THTPA: variants seen among roughly 807,000 people sequenced by gnomAD.
THTPA encodes the protein thiamine triphosphatase.
A neutral mutation model predicts 16.5 loss-of-function variants in THTPA; 16 were observed. The ratio of observed to expected loss-of-function variants is 0.97; its 90% CI spans 0.66 to 1.47. THTPA has a LOEUF of 1.47. THTPA is among the 40% of genes most tolerant of loss of function. The pLI, the probability that THTPA is intolerant of heterozygous loss-of-function variation, is 0.00. For missense variants in THTPA, 281 were observed against 280.9 expected, an observed-to-expected ratio of 1.00 and a Z score of 0.00; for synonymous variants, 110 against 115.5, an observed-to-expected ratio of 0.95 and a Z score of 0.30.
At chr14:23,535,454 C>T in the THTPA span, 2 of 1,199,292 alleles carry the variant, frequency 1.7e-6, no homozygotes, top group Non-Finnish European at 2.2e-6. This position sits in a 1 kb window ranked among gnomAD's most constrained non-coding sequence, Gnocchi z 4.5. Flanking sequence ...GATACTCCTG[C>T]CCCATCCTCT....
At chr14:23,543,583 A>G in the THTPA span, 1 of 152,102 alleles carries the variant, frequency 6.6e-6, no homozygotes, top group Admixed American at 6.5e-5. Context: ...GCTTTGCGCA[A>G]CTCCAGGGTG....
the THTPA span, chr14:23,531,056 G>C: frequency 3.8e-5 from 6 of 157,982 alleles, no homozygotes; most frequent in Admixed American, 6.4e-5. Context: ...CTTGTCAGGG[G>C]CCTCTTCCCA....
the THTPA span, chr14:23,523,992 C>T: frequency 1.2e-5 from 18 of 1,524,040 alleles, no homozygotes; most frequent in Admixed American, 4.0e-5. The surrounding 1 kb of genome is among the most constrained non-coding windows in gnomAD (Gnocchi z 4.1). Flanking sequence ...GCCTCTTTCC[C>T]AGGTGGTAGG....
At chr14:23,550,524 G>T in the THTPA span, among the ~76,000 whole-genome samples, 1 of 152,222 alleles carries the variant, frequency 6.6e-6, no homozygotes. Context: ...CAGATCCAGA[G>T]ATGGATGGGA....
chr14:23,530,525 G>A, the THTPA span: 2 of 534,088 alleles, frequency 3.7e-6, no homozygotes, highest in Non-Finnish European at 7.1e-6. Flanking sequence ...AAGCCCCAGA[G>A]AAATGTAGTA....
the THTPA span, chr14:23,531,624 A>G: frequency 1.3e-6 from 2 of 1,522,952 alleles, no homozygotes; most frequent in African/African-American, 1.4e-5. Flanking sequence ...CAGGTGTTGC[A>G]GCACAGCCAA....
the THTPA span, among the ~76,000 whole-genome samples, chr14:23,539,746 C>CCT: frequency 3.3e-5 from 5 of 152,152 alleles, no homozygotes; most frequent in Admixed American, 2.0e-4. Flanking sequence ...CCCCCTCCCA[C>CCT]CTCTGGCTGA....
the THTPA span, chr14:23,527,774 T>C: frequency 1.3e-6 from 2 of 1,536,052 alleles, no homozygotes; most frequent in Non-Finnish European, 1.7e-6. Flanking sequence ...GACTCTGGGC[T>C]CAGGAAGCTG....
At chr14:23,530,149 T>C in the THTPA span, 5 of 1,536,104 alleles carry the variant, frequency 3.3e-6, no homozygotes, top group Non-Finnish European at 4.4e-6. Context: ...CTGGGCATCT[T>C]TCTCAGGGGT....
chr14:23,520,394 C>A, the THTPA span, among the ~76,000 whole-genome samples: 1 of 115,722 alleles, frequency 8.6e-6, no homozygotes, highest in Non-Finnish European at 2.2e-5. This position sits in a 1 kb window ranked among gnomAD's most constrained non-coding sequence, Gnocchi z 8.7. Context: ...GGTGGGCCTC[C>A]AGGGGGGCAG....
At chr14:23,512,886 G>A in the THTPA span, 11 of 151,644 alleles carry the variant, frequency 7.3e-5, no homozygotes, top group African/African-American at 2.4e-4. Context: ...GAGTTGTGGG[G>A]AGGAAAAGAG....
the THTPA span, among the ~76,000 whole-genome samples, chr14:23,547,345 C>T: frequency 7.9e-5 from 12 of 152,284 alleles, no homozygotes; most frequent in South Asian, 4.1e-4. Context: ...TCCTTATTTG[C>T]GGCCATTGTA....
At chr14:23,554,502 G>T (rs1025459463), upstream of THTPA, among the ~76,000 whole-genome samples, 14 of 151,782 alleles carry the variant, frequency 9.2e-5, no homozygotes, top group Non-Finnish European at 1.6e-4. Context: ...TCAACCTCCT[G>T]AGCAGCTGGG....
the THTPA span, chr14:23,521,856 G>A: frequency 5.4e-6 from 8 of 1,484,430 alleles, no homozygotes; most frequent in Admixed American, 1.8e-4. Context: ...TGTGAGGTGG[G>A]CGGGGCCAGG....
the THTPA span, among the ~76,000 whole-genome samples, chr14:23,540,363 C>T: frequency 1.3e-5 from 2 of 152,164 alleles, no homozygotes; most frequent in African/African-American, 4.8e-5. Flanking sequence ...AATTTTAGGA[C>T]CTTTTTTTAA....
In THTPA at chr14:23,559,830, C is replaced by T. The variant is rs1883183621; in HGVS notation, c.*990C>T. 2 of 1,614,008 alleles carry T rather than the reference C, an allele frequency of 1.2e-6. No individual in the cohort carries two copies. The highest frequency in any genetic ancestry group is 2.2e-5 in the East Asian group (1 of 44,896). ...GGTGAAAGTGGTCGTAGGTGAGGCGCAGCTTTAGCCGCAGGGGGGCCTAGG... is the reference window on the plus strand; with the variant it reads ...GGTGAAAGTGGTCGTAGGTGAGGCGTAGCTTTAGCCGCAGGGGGGCCTAGG... On this transcript the variant is annotated 3_prime_UTR_variant, in exon 2 of 2. Coordinates refer to ENST00000288014, the MANE Select transcript of THTPA (RefSeq NM_024328.6).
the THTPA span, among the ~76,000 whole-genome samples, chr14:23,516,304 C>T: frequency 6.6e-6 from 1 of 152,180 alleles, no homozygotes; most frequent in South Asian, 2.1e-4. Flanking sequence ...GTTTCCCTTG[C>T]CTTTTGCATC....
At position 23,558,916 on chromosome 14, in the gene THTPA, C is replaced by A; in HGVS notation, c.*76C>A. The A allele has an allele frequency of 5.1e-6, 8 of 1,556,744 alleles. No individual in the cohort carries two copies. Among genetic ancestry groups the A allele is most frequent in the Non-Finnish European group, 7.0e-6 (8 of 1,142,630 alleles). ...CTCCTGGGCCCACTGTGCCTCTCCC[C>A]TCAGTGTCCCTTCTGACAGTGACTC... On this transcript the variant is annotated 3_prime_UTR_variant, in exon 2 of 2. Coordinates refer to ENST00000288014, the MANE Select transcript of THTPA (RefSeq NM_024328.6).
rs754763499 is a variant in THTPA, at chr14:23,557,234, G to T, written c.477G>T (p.Glu159Asp). 3 of 1,613,152 alleles carry T rather than the reference G, an allele frequency of 1.9e-6. No homozygotes were observed. The South Asian group carries it at 3.3e-5, about 18-fold the overall frequency. ...TTGGCTACGCTGTGGGTGAGGTAGA[G>T]GCCCTGGTGCATGAGGAGGCTGAAG... Reference protein sequence around the residue: ...ADFGYAVGEVEALVHEEAEVP... With the variant: ...ADFGYAVGEVDALVHEEAEVP... The change falls in exon 1 of 2, where the codon GAG becomes GAT. Residue 159 changes from glutamate (E) to aspartate (D), a missense_variant. Physicochemically the swap from Glu to Asp is conservative, Grantham distance 45. Coordinates refer to ENST00000288014, the MANE Select transcript of THTPA (RefSeq NM_024328.6).
Sources: gnomAD v4.1 joint callset for allele counts (sites outside exome capture counted in the v4.1 genomes callset) on GRCh38, gnomAD v4.1.1 for gene constraint, Gnocchi (gnomAD v3.1) non-coding constraint, MANE v1.5 for transcripts, NCBI Gene and HGNC (gene_info 2026-07-23, HGNC 2026-07-21) for gene names.